The following CLPB variants were observed in gnomAD, a reference collection of about 807,000 sequenced individuals.
CLPB encodes the protein mitochondrial disaggregase.
In CLPB, 40 loss-of-function variants were observed where a neutral mutation model predicts 78.4. The ratio of observed to expected loss-of-function variants is 0.51; its 90% confidence interval spans 0.40 to 0.66. The LOEUF (loss-of-function observed/expected upper bound fraction) is 0.66. Ranked by LOEUF, CLPB falls within the 30% of genes least tolerant of loss-of-function variation. CLPB has a pLI of 0.00. For missense variants in CLPB, 780 were observed against 886.9 expected (o/e 0.88, Z 1.53); for synonymous variants, 333 against 348.0 (o/e 0.96, Z 0.48).
intron 5 of CLPB, among the ~76,000 whole-genome samples, chr11:72,337,410 T>C (rs968482486): frequency 6.6e-6 from 1 of 152,104 alleles, no homozygotes; most frequent in African/African-American, 2.4e-5. Context: ...GACATTATTA[T>C]TTTTTCTAGT....
At chr11:72,293,963 TG>T in intron 15 of CLPB, 58 bp downstream of exon 15, 5 of 1,450,964 alleles carry the variant, frequency 3.4e-6, no homozygotes, top group South Asian at 1.2e-5. Context: ...GGACTGGGTC[TG>T]GGGGGCCCTG....
chr11:72,378,970 T>C (rs912591130), intron 4 of CLPB, among the ~76,000 whole-genome samples: 7 of 152,132 alleles, frequency 4.6e-5, no homozygotes, highest in Non-Finnish European at 7.4e-5. Flanking sequence ...GGATCTAGCC[T>C]TAGCAATGGA....
At chr11:72,338,071 T>G (rs1193937268) in intron 5 of CLPB, among the ~76,000 whole-genome samples, 1 of 152,204 alleles carries the variant, frequency 6.6e-6, no homozygotes. Context: ...GATCCAGACA[T>G]TCCCCATTCC....
chr11:72,434,142 G>A lies in CLPB; in HGVS notation c.333C>T (p.Ala111=). 1 of 1,612,420 alleles carries A rather than the reference G, an allele frequency of 6.2e-7. No individual in the cohort carries two copies. Among genetic ancestry groups the A allele is most frequent in the East Asian group, 2.2e-5 (1 of 44,872 alleles). ...CGGCCAGGGCGCACATGCCCAGTCC[G>A]GCCCTGCTGGGGACCCCGTTCCAGC... is the stretch of plus-strand genomic sequence containing the variant. ...QDSWNGVPSR[A]GLGMCALAAA... is the part of the protein sequence containing the mutation. Residue 111 remains alanine, a synonymous_variant, in exon 1 of 16, where the codon GCC becomes GCT. Transcript: ENST00000538039.
At chr11:72,294,843 G>A in intron 12 of CLPB, 150 bp from the exon 13 acceptor site, 1 of 688,658 alleles carries the variant, frequency 1.5e-6, no homozygotes, top group Non-Finnish European at 2.5e-6. Context: ...GCTTCAGCCT[G>A]GTCTCCTCCT....
chr11:72,414,230 T>G (rs1855956316), intron 2 of CLPB, among the ~76,000 whole-genome samples: 1 of 152,158 alleles, frequency 6.6e-6, no homozygotes, highest in African/African-American at 2.4e-5. Flanking sequence ...AGCACCTTCA[T>G]CTGGGTACCC....
intron 4 of CLPB, among the ~76,000 whole-genome samples, chr11:72,374,515 C>T (rs1207123946): frequency 6.6e-6 from 1 of 152,172 alleles, no homozygotes; most frequent in Non-Finnish European, 1.5e-5. Context: ...ACCAAGCATC[C>T]TTGGGTTACC....
intron 5 of CLPB, among the ~76,000 whole-genome samples, chr11:72,349,229 G>A (rs1044051928): frequency 6.6e-6 from 1 of 152,206 alleles, no homozygotes; most frequent in Admixed American, 6.5e-5. Flanking sequence ...TGACAGCAAG[G>A]CAGAGTTAGT....
chr11:72,375,586 C>G (rs564906020), intron 4 of CLPB, among the ~76,000 whole-genome samples: 2 of 152,334 alleles, frequency 1.3e-5, no homozygotes, highest in South Asian at 4.1e-4. Context: ...AGACACCAGC[C>G]TGCTCACTTC....
chr11:72,325,814 A>T (rs75464454), intron 6 of CLPB, among the ~76,000 whole-genome samples: 326 of 152,260 alleles, frequency 2.1e-3, no homozygotes, highest in African/African-American at 7.4e-3. Flanking sequence ...TCCCCAAGGC[A>T]TTACCTTCAC....
intron 2 of CLPB, among the ~76,000 whole-genome samples, chr11:72,406,758 CT>C (rs1855721267): frequency 6.6e-6 from 1 of 152,228 alleles, no homozygotes; most frequent in Admixed American, 6.5e-5. Context: ...CACACCCACT[CT>C]GTGCCCAGCC....
intron 3 of CLPB, among the ~76,000 whole-genome samples, chr11:72,382,563 C>T (rs897757847): frequency 6.6e-6 from 1 of 152,154 alleles, no homozygotes; most frequent in African/African-American, 2.4e-5. Context: ...GGCCCAGGCT[C>T]CAAGCTTAAC....
intron 2 of CLPB, chr11:72,408,199 T>C: frequency 5.2e-6 from 8 of 1,535,070 alleles, no homozygotes; most frequent in Non-Finnish European, 7.0e-6. Flanking sequence ...TTGCAGTCTC[T>C]TGGGGCTGAG....
chr11:72,302,150 TGTGAAACAAATCA>T, intron 10 of CLPB, 141 bp downstream of exon 10: 1 of 973,780 alleles, frequency 1.0e-6, no homozygotes, highest in South Asian at 1.5e-5. Flanking sequence ...GCAAATCCTA[TGTGAAACAAATCA>T]GTGACCCTGC....
intron 4 of CLPB, among the ~76,000 whole-genome samples, chr11:72,362,787 G>A (rs369564906): frequency 6.6e-6 from 1 of 152,308 alleles, no homozygotes; most frequent in East Asian, 1.9e-4. Flanking sequence ...GCTTCCAAAA[G>A]TGTATTTTCT....
At chr11:72,298,176 TG>T (rs959887662) in intron 11 of CLPB, among the ~76,000 whole-genome samples, 8 of 151,996 alleles carry the variant, frequency 5.3e-5, no homozygotes, top group African/African-American at 1.9e-4. Context: ...CACCTGTGAG[TG>T]GCCAGCAGTA....
intron 4 of CLPB, among the ~76,000 whole-genome samples, chr11:72,363,049 G>A (rs1044858859): frequency 3.9e-5 from 6 of 152,078 alleles, no homozygotes; most frequent in Non-Finnish European, 5.9e-5. Context: ...CCAGCTACTC[G>A]GGAGGCTGAG....
At chr11:72,350,555 A>G (rs1002399819) in intron 5 of CLPB, among the ~76,000 whole-genome samples, 5 of 152,256 alleles carry the variant, frequency 3.3e-5, no homozygotes, top group Non-Finnish European at 7.3e-5. Flanking sequence ...CCAGACTTTA[A>G]GCTTTACAAG....
chr11:72,373,107 G>T, intron 4 of CLPB: 7 of 1,075,358 alleles, frequency 6.5e-6, no homozygotes, highest in Non-Finnish European at 8.5e-6. Flanking sequence ...TGGTGGGGTT[G>T]TTCCAAGCCC....
Sources: gnomAD v4.1 joint callset for allele counts (sites outside exome capture counted in the v4.1 genomes callset) on GRCh38, gnomAD v4.1.1 for gene constraint, MANE v1.5 for transcripts, NCBI Gene and HGNC (gene_info 2026-07-23, HGNC 2026-07-21) for gene names.